The following NAALADL2 variants were observed in gnomAD, a reference collection of about 807,000 sequenced individuals.
NAALADL2 encodes N-acetylated alpha-linked acidic dipeptidase like 2, also known as inactive N-acetylated-alpha-linked acidic dipeptidase-like protein 2.
NAALADL2 carries 76 observed loss-of-function variants against 87.2 expected under a neutral mutation model. The ratio of observed to expected loss-of-function variants is 0.87; its 90% CI spans 0.72 to 1.05. The LOEUF is 1.05. Among genes scored for constraint, NAALADL2 ranks in the 50% least tolerant of loss-of-function variants. NAALADL2 has a pLI of 0.00. For synonymous variants in NAALADL2, 354 were observed against 331.0 expected (o/e 1.07, Z -0.75); for missense variants, 1,089 against 945.8 (o/e 1.15, Z -1.99).
At chr3:175,487,633 T>G in intron 9 of NAALADL2, 3 of 409,912 alleles carry the variant, frequency 7.3e-6, no homozygotes, top group South Asian at 5.2e-5. Context: ...ATGAAGATAT[T>G]AAATATTTTG....
chr3:175,202,714 G>A (rs1290851894), intron 2 of NAALADL2, among the ~76,000 whole-genome samples: 2 of 152,064 alleles, frequency 1.3e-5, no homozygotes, highest in Non-Finnish European at 2.9e-5. Flanking sequence ...TCAGCTACCA[G>A]GTTGGGTAGG....
chr3:174,945,474 A>T (rs931877372), intron 1 of NAALADL2, among the ~76,000 whole-genome samples: 18 of 152,180 alleles, frequency 1.2e-4, no homozygotes, highest in African/African-American at 4.3e-4. Context: ...AAAATTTGAC[A>T]GCAAAATGAG....
chr3:175,638,078 G>A (rs1728788505), intron 11 of NAALADL2, among the ~76,000 whole-genome samples: 1 of 152,132 alleles, frequency 6.6e-6, no homozygotes, highest in African/African-American at 2.4e-5. Flanking sequence ...CATGAAAAAA[G>A]TTTTGTAAAA....
intron 2 of NAALADL2, among the ~76,000 whole-genome samples, chr3:175,129,684 A>C (rs1378356545): frequency 6.6e-6 from 1 of 152,196 alleles, no homozygotes; most frequent in Non-Finnish European, 1.5e-5. Context: ...ACACATGTAT[A>C]TGTATATATC....
chr3:175,060,424 A>G (rs9854799), intron 1 of NAALADL2, among the ~76,000 whole-genome samples: 16,888 of 152,266 alleles, frequency 0.11, 961 homozygotes, highest in Middle Eastern at 0.22. Context: ...AGTGTGAGCA[A>G]TCTGTCAAAT....
chr3:174,756,347 G>A (rs951962229), intron 3 of NAALADL2, among the ~76,000 whole-genome samples: 1 of 152,168 alleles, frequency 6.6e-6, no homozygotes, highest in East Asian at 1.9e-4. Context: ...CTATTTCGTG[G>A]CTCTGCTGAG....
chr3:175,653,286 A>C (rs925641770), intron 11 of NAALADL2, among the ~76,000 whole-genome samples: 1 of 152,126 alleles, frequency 6.6e-6, no homozygotes, highest in African/African-American at 2.4e-5. Context: ...TTTTTTGCTA[A>C]TCCTTCTTCC....
chr3:174,813,846 TA>T (rs2109304834), intron 3 of NAALADL2, among the ~76,000 whole-genome samples: 2 of 152,194 alleles, frequency 1.3e-5, no homozygotes, highest in Non-Finnish European at 2.9e-5. Context: ...AATGTAAACT[TA>T]AATAAGAAAT....
Position 175,505,526 on chromosome 3 carries a change from A to G in NAALADL2, c.1653+33768A>G, listed in dbSNP as rs187217388. Among the ~76,000 whole-genome samples, 5 of 152,288 alleles carry G rather than the reference A, an allele frequency of 3.3e-5. No individual in the cohort carries two copies. In the East Asian group the frequency reaches 9.7e-4, roughly 29 times the overall value. ...CTTGTAGGAATGAAAAAGTCTAGGG[A>G]CAATGTTGTTGGCTTATTTTTTTTT... On this transcript the variant is annotated intron_variant, in intron 9 of 13. Transcript: ENST00000454872.
At chr3:175,449,936 T>C (rs1467298283) in intron 6 of NAALADL2, among the ~76,000 whole-genome samples, 1 of 152,226 alleles carries the variant, frequency 6.6e-6, no homozygotes, top group East Asian at 1.9e-4. Flanking sequence ...AAAAGATATA[T>C]TTAAATCATT....
chr3:174,964,872 T>A (rs1227407043), intron 1 of NAALADL2, among the ~76,000 whole-genome samples: 1 of 150,766 alleles, frequency 6.6e-6, no homozygotes, highest in Admixed American at 6.6e-5. Flanking sequence ...TATGTATATA[T>A]GTAATTTATA....
chr3:174,880,738 C>T (rs1416491144), intron 1 of NAALADL2, among the ~76,000 whole-genome samples: 3 of 152,092 alleles, frequency 2.0e-5, no homozygotes, highest in Non-Finnish European at 2.9e-5. Context: ...TAGATATATT[C>T]GTTTCTTCAG....
At chr3:174,914,044 T>C (rs1333557552) in intron 1 of NAALADL2, among the ~76,000 whole-genome samples, 1 of 151,348 alleles carries the variant, frequency 6.6e-6, no homozygotes, top group African/African-American at 2.4e-5. Flanking sequence ...GTTTTATATA[T>C]ATATATTCCT....
chr3:174,620,089 G>T (rs886520135), intron 2 of NAALADL2, among the ~76,000 whole-genome samples: 1 of 151,902 alleles, frequency 6.6e-6, no homozygotes, highest in Non-Finnish European at 1.5e-5. Flanking sequence ...CCGATCCACA[G>T]GTAACTGTTT....
At chr3:175,217,450 T>A (rs1742727305) in intron 2 of NAALADL2, among the ~76,000 whole-genome samples, 1 of 152,220 alleles carries the variant, frequency 6.6e-6, no homozygotes, top group Admixed American at 6.5e-5. Flanking sequence ...GTACCAAAAA[T>A]TAGTTCCAGC....
At chr3:174,767,477 A>G (rs1454356674) in intron 3 of NAALADL2, among the ~76,000 whole-genome samples, 2 of 152,154 alleles carry the variant, frequency 1.3e-5, no homozygotes, top group Non-Finnish European at 2.9e-5. Context: ...CTTATTGCCC[A>G]TTAAATATCA....
chr3:174,724,975 C>G (rs1224788035), intron 2 of NAALADL2, among the ~76,000 whole-genome samples: 1 of 152,116 alleles, frequency 6.6e-6, no homozygotes, highest in Non-Finnish European at 1.5e-5. Context: ...AGGAACCTGA[C>G]TTTTCAAAAA....
intron 11 of NAALADL2, among the ~76,000 whole-genome samples, chr3:175,726,262 CAAAA>C (rs58311186): frequency 1.5e-5 from 2 of 131,344 alleles, no homozygotes. Flanking sequence ...TACATTTGAC[CAAAA>C]AAAAAAAAAA....
intron 2 of NAALADL2, among the ~76,000 whole-genome samples, chr3:175,199,164 C>T (rs926382931): frequency 1.3e-4 from 20 of 152,086 alleles, no homozygotes; most frequent in South Asian, 4.1e-4. Context: ...GCCAAAAGAG[C>T]GCAGAGCTTT....
Sources: allele counts gnomAD v4.1 joint callset (sites outside exome capture counted in the v4.1 genomes callset), GRCh38; gene constraint gnomAD v4.1.1; transcripts MANE v1.5; gene names NCBI Gene and HGNC (gene_info 2026-07-23, HGNC 2026-07-21).